Variants in TMEM164 observed in about 807,000 individuals in gnomAD.
TMEM164 encodes the protein RP13-360B22.2.
TMEM164 carries 4 observed loss-of-function variants against 18.8 expected under a neutral mutation model. The ratio of observed to expected loss-of-function variants is 0.21; its 90% CI spans 0.10 to 0.49. The LOEUF (loss-of-function observed/expected upper bound fraction) is 0.49. Ranked by LOEUF, TMEM164 falls within the 20% of genes least tolerant of loss-of-function variation. TMEM164 has a pLI of 0.98. For missense variants in TMEM164, 108 were observed against 239.9 expected, an observed-to-expected ratio of 0.45 and a Z score of 3.63; for synonymous variants, 86 against 101.7, an observed-to-expected ratio of 0.85 and a Z score of 0.93.
rs926312479 is a variant in TMEM164 at position 110,073,230 on chromosome X, C to T, written c.440+5834C>T. Among the ~76,000 whole-genome samples, 3 of 110,912 alleles carry T rather than the reference C, an allele frequency of 2.7e-5. No individual in the cohort carries two copies. In the Admixed American group the frequency reaches 2.9e-4, roughly 11 times the overall value. On this transcript the variant is annotated intron_variant, in intron 3 of 6. Transcript: ENST00000372068. Reference sequence around the variant, plus strand: ...ATTTTAGTTTTTGTAGAGATGGGGTCTTTCTGTGTTGCCCAGGCTGGTCTC... The same window carrying T: ...ATTTTAGTTTTTGTAGAGATGGGGTTTTTCTGTGTTGCCCAGGCTGGTCTC...
At chrX:110,038,248 C>T (rs769894668) in intron 2 of TMEM164, among the ~76,000 whole-genome samples, 4 of 111,157 alleles carry the variant, frequency 3.6e-5, no homozygotes, top group African/African-American at 6.6e-5. Flanking sequence ...GCCTCGGCCT[C>T]CCAAAGTGCT....
At chrX:110,130,397 T>C (rs1035925310) in intron 4 of TMEM164, among the ~76,000 whole-genome samples, 1 of 112,044 alleles carries the variant, frequency 8.9e-6, no homozygotes. Flanking sequence ...GTCTCAGTTT[T>C]CTTAGGTTCT....
In TMEM164 at chrX:110,176,027, G is replaced by C; in HGVS notation, c.*2576G>C. The stretch of plus-strand genomic sequence containing the variant: ...AGTGGCCAGTGGGGCTGTCTTCCCA[G>C]CTCCTCCTCAGGGCTTTCCTGTCAG... On this transcript the variant is annotated 3_prime_UTR_variant, in exon 7 of 7. Coordinates refer to ENST00000372068, the MANE Select transcript of TMEM164 (RefSeq NM_032227.4). 1 of 756,711 alleles carries C rather than the reference G, an allele frequency of 1.3e-6. No homozygotes were observed. The highest frequency in any genetic ancestry group is 6.7e-5 in the South Asian group (1 of 14,920). 62.4% of individuals were successfully genotyped at this position (756,711 alleles called of 1,213,427 possible).
intron 2 of TMEM164, among the ~76,000 whole-genome samples, chrX:110,024,309 G>C (rs185783047): frequency 2.4e-4 from 27 of 111,477 alleles, no homozygotes; most frequent in African/African-American, 7.5e-4. Flanking sequence ...GTTGGAGACA[G>C]GGTCTTGTTC....
downstream of TMEM164, among the ~76,000 whole-genome samples, chrX:110,179,206 C>T (rs2067313570): frequency 9.0e-6 from 1 of 111,621 alleles, no homozygotes; most frequent in Non-Finnish European, 1.9e-5. Context: ...CCCATGGGTT[C>T]CTTTTTAGGA....
intron 2 of TMEM164, among the ~76,000 whole-genome samples, chrX:110,031,770 CT>C (rs1468109177): frequency 1.8e-5 from 2 of 110,805 alleles, no homozygotes; most frequent in Non-Finnish European, 3.8e-5. Context: ...CTAATCCCTC[CT>C]TTCCCCCTAC....
At chrX:110,073,612 A>G (rs966387338) in intron 3 of TMEM164, among the ~76,000 whole-genome samples, 14 of 111,801 alleles carry the variant, frequency 1.3e-4, no homozygotes, top group Non-Finnish European at 2.6e-4. Flanking sequence ...TGCGATGAAT[A>G]TACGGGTACT....
At chrX:110,095,330 T>C (rs1182740735) in intron 3 of TMEM164, among the ~76,000 whole-genome samples, 1 of 112,204 alleles carries the variant, frequency 8.9e-6, no homozygotes, top group Non-Finnish European at 1.9e-5. Context: ...CAGACGTAGA[T>C]TTGGTCTTTT....
At chrX:110,056,827 C>T (rs1433004190) in intron 2 of TMEM164, among the ~76,000 whole-genome samples, 7 of 110,923 alleles carry the variant, frequency 6.3e-5, no homozygotes, top group Non-Finnish European at 9.5e-5. Flanking sequence ...GTTGAGTACC[C>T]GTGTGTTTTC....
chrX:110,067,987 C>T (rs895678059), intron 3 of TMEM164, among the ~76,000 whole-genome samples: 1 of 112,421 alleles, frequency 8.9e-6, no homozygotes, highest in South Asian at 3.7e-4. Flanking sequence ...TCATTTTAAC[C>T]GTGAGTTGTG....
chrX:110,041,730 G>T (rs1330792317), intron 2 of TMEM164, among the ~76,000 whole-genome samples: 1 of 111,861 alleles, frequency 8.9e-6, no homozygotes, highest in Admixed American at 9.5e-5. Flanking sequence ...AGGCATGTAA[G>T]TGTGACTTTT....
At chrX:110,007,257 G>A (rs1386014547) in intron 2 of TMEM164, among the ~76,000 whole-genome samples, 1 of 112,066 alleles carries the variant, frequency 8.9e-6, no homozygotes, top group Non-Finnish European at 1.9e-5. Flanking sequence ...TATTCGTCCT[G>A]TCAGATTTCA....
chrX:110,168,346 T>C (rs895233903), intron 5 of TMEM164, among the ~76,000 whole-genome samples: 4 of 113,092 alleles, frequency 3.5e-5, no homozygotes, highest in Non-Finnish European at 5.6e-5. Flanking sequence ...TGGCCTGACA[T>C]GGTCCTTGAC....
At chrX:110,066,852 G>A (rs1936361790) in intron 2 of TMEM164, among the ~76,000 whole-genome samples, 1 of 111,415 alleles carries the variant, frequency 9.0e-6, no homozygotes, top group South Asian at 3.8e-4. Context: ...GTTTGATAGG[G>A]TTGCCAGCTA....
intron 5 of TMEM164, among the ~76,000 whole-genome samples, chrX:110,149,489 G>A (rs1036653496): frequency 2.7e-5 from 3 of 111,565 alleles, no homozygotes; most frequent in Non-Finnish European, 5.6e-5. Flanking sequence ...GCTCTGCTTC[G>A]GGGCTTCCAA....
chrX:110,074,860 G>A lies in TMEM164; in HGVS notation c.440+7464G>A, dbSNP rs1167380055. Among the ~76,000 whole-genome samples, 6 of 111,842 alleles carry A rather than the reference G, an allele frequency of 5.4e-5. No individual in the cohort carries two copies. The East Asian group carries it at 1.7e-3, about 31-fold the overall frequency. On this transcript the variant is annotated intron_variant, in intron 3 of 6. Coordinates refer to ENST00000372068, the MANE Select transcript of TMEM164 (RefSeq NM_032227.4). ...CTACCATGCTGTTTTGGTTACTGTA[G>A]CCTTGTAGTATAGTTTGAAGTCAGG...
chrX:110,047,700 T>TCCCCAA (rs1935374804), intron 2 of TMEM164, among the ~76,000 whole-genome samples: 1 of 112,026 alleles, frequency 8.9e-6, no homozygotes, highest in Non-Finnish European at 1.9e-5. Flanking sequence ...TTCCAGACAT[T>TCCCCAA]CCCCAACAAG....
At chrX:110,060,316 A>G (rs904638428) in intron 2 of TMEM164, among the ~76,000 whole-genome samples, 9 of 108,921 alleles carry the variant, frequency 8.3e-5, no homozygotes, top group Non-Finnish European at 1.9e-5. Flanking sequence ...AAGTGACAAG[A>G]CAGGATTTGG....
chrX:110,092,878 T>C (rs1251448479), intron 3 of TMEM164, among the ~76,000 whole-genome samples: 3 of 111,953 alleles, frequency 2.7e-5, no homozygotes, highest in Non-Finnish European at 5.6e-5. Context: ...TTTTGAGATA[T>C]GTCCCATCAA....
Sources: gnomAD v4.1 joint callset for allele counts (sites outside exome capture counted in the v4.1 genomes callset) on GRCh38, gnomAD v4.1.1 for gene constraint, MANE v1.5 for transcripts, NCBI Gene and HGNC (gene_info 2026-07-23, HGNC 2026-07-21) for gene names.